The following UHRF2 variants were observed in gnomAD, a reference collection of about 807,000 sequenced individuals.
UHRF2 encodes the protein E3 ubiquitin-protein ligase UHRF2.
UHRF2 carries 23 observed loss-of-function variants against 96.8 expected under a neutral mutation model. That is an observed-to-expected ratio of 0.24 (90% CI 0.17 to 0.34). The LOEUF is 0.34. Among genes scored for constraint, UHRF2 ranks in the 10% least tolerant of loss-of-function variants. UHRF2 has a pLI of 1.00. For missense variants in UHRF2, 685 were observed against 981.5 expected (o/e 0.70, Z 4.04); for synonymous variants, 385 against 332.6 (o/e 1.16, Z -1.72).
chr9:6,434,225 C>T, intron 3 of UHRF2, 52 bp downstream of exon 3: 1 of 1,533,594 alleles, frequency 6.5e-7, no homozygotes, highest in Non-Finnish European at 8.8e-7. Context: ...TTGTAGAAAC[C>T]AAAGCCTTCT....
intron 1 of UHRF2, among the ~76,000 whole-genome samples, chr9:6,420,055 G>A (rs908598609): frequency 1.7e-4 from 26 of 150,592 alleles, no homozygotes; most frequent in Admixed American, 1.2e-3. Context: ...AGCCTCCCCC[G>A]CCACCTTTTT....
chr9:6,471,579 C>G (rs946750631), intron 4 of UHRF2, among the ~76,000 whole-genome samples: 5 of 152,162 alleles, frequency 3.3e-5, no homozygotes, highest in African/African-American at 1.2e-4. Flanking sequence ...TGTGATGAGG[C>G]TATCCAGGCA....
chr9:6,434,863 C>T (rs887084666), intron 3 of UHRF2, among the ~76,000 whole-genome samples: 1 of 152,056 alleles, frequency 6.6e-6, no homozygotes, highest in African/African-American at 2.4e-5. Context: ...CCGGGTCCCA[C>T]TTTGTTGCAC....
At chr9:6,419,966 C>G (rs193026557) in intron 1 of UHRF2, among the ~76,000 whole-genome samples, 1 of 152,000 alleles carries the variant, frequency 6.6e-6, no homozygotes, top group Non-Finnish European at 1.5e-5. Flanking sequence ...CCATACTGGT[C>G]TGGAGCTCCT....
At chr9:6,424,965 A>T (rs564485989) in intron 2 of UHRF2, among the ~76,000 whole-genome samples, 1 of 152,262 alleles carries the variant, frequency 6.6e-6, no homozygotes, top group East Asian at 1.9e-4. Flanking sequence ...TTTGCTAAGT[A>T]TAACTTAGGT....
intron 3 of UHRF2, among the ~76,000 whole-genome samples, chr9:6,442,131 GT>G (rs939240783): frequency 1.8e-4 from 27 of 152,190 alleles, no homozygotes; most frequent in Non-Finnish European, 3.7e-4. Context: ...CGTCTGGCTA[GT>G]TTTGGTGTTT....
chr9:6,468,672 C>G (rs1381323908), intron 4 of UHRF2: 2 of 456,058 alleles, frequency 4.4e-6, no homozygotes, highest in Admixed American at 4.7e-5. Context: ...TGGTTGAATA[C>G]TGGACTTCTG....
At chr9:6,439,763 G>A (rs918776612) in intron 3 of UHRF2, among the ~76,000 whole-genome samples, 11 of 152,144 alleles carry the variant, frequency 7.2e-5, no homozygotes, top group Admixed American at 6.5e-4. Flanking sequence ...CACTCCTTTA[G>A]TGGGCACATA....
At chr9:6,500,219 C>A (rs1381404497) in intron 13 of UHRF2, among the ~76,000 whole-genome samples, 1 of 152,196 alleles carries the variant, frequency 6.6e-6, no homozygotes, top group Non-Finnish European at 1.5e-5. Context: ...CCTCCTGCCT[C>A]AGCCTCCTAA....
intron 3 of UHRF2, among the ~76,000 whole-genome samples, chr9:6,442,857 C>G (rs887871830): frequency 2.0e-5 from 3 of 152,180 alleles, no homozygotes; most frequent in Admixed American, 6.5e-5. Flanking sequence ...ACACTACCAC[C>G]TGTTCTCTTT....
chr9:6,420,767 G>C (rs1819887666), intron 1 of UHRF2, 145 bp from the exon 2 acceptor site: 1 of 628,908 alleles, frequency 1.6e-6, no homozygotes, highest in Admixed American at 2.8e-5. Flanking sequence ...ACTGACATCA[G>C]AGGCCATTAA....
Position 6,422,573 on chromosome 9 carries a change from T to A in UHRF2, c.384+1431T>A, listed in dbSNP as rs1399546120. On this transcript the variant is annotated intron_variant, in intron 2 of 15. Coordinates refer to ENST00000276893, the MANE Select transcript of UHRF2 (RefSeq NM_152896.3). The stretch of plus-strand genomic sequence containing the variant: ...ATCTTTACAATGTTGAGTCTTTTAA[T>A]TCATGAACATTAAAAGACTTGACTT... The A allele has an allele frequency of 1.7e-5, 9 of 522,702 alleles. No individual in the cohort carries two copies. The African/African-American group carries it at 1.8e-4, about 10-fold the overall frequency. The allele number at this position is 522,702 out of a possible 1,614,324, so 32.4% of individuals were successfully genotyped here.
intron 3 of UHRF2, among the ~76,000 whole-genome samples, chr9:6,460,329 C>G (rs1034817708): frequency 2.0e-5 from 3 of 152,112 alleles, no homozygotes; most frequent in African/African-American, 7.2e-5. Context: ...TGAAGAGATC[C>G]ACATCTCCAA....
intron 2 of UHRF2, 59 bp downstream of exon 2, chr9:6,421,201 C>A: frequency 7.6e-7 from 1 of 1,315,576 alleles, no homozygotes; most frequent in Non-Finnish European, 1.0e-6. Flanking sequence ...ATTTTCTGTT[C>A]AGGATGTTTT....
chr9:6,501,586 A>C (rs1411012905), intron 14 of UHRF2, among the ~76,000 whole-genome samples: 2 of 152,216 alleles, frequency 1.3e-5, no homozygotes, highest in Non-Finnish European at 2.9e-5. Context: ...TTTATCAAAT[A>C]TTTGGATTTA....
intron 2 of UHRF2, among the ~76,000 whole-genome samples, chr9:6,424,697 G>A (rs1234587792): frequency 1.3e-5 from 2 of 149,616 alleles, no homozygotes; most frequent in Middle Eastern, 6.5e-3. Context: ...TCCTCTTTTT[G>A]TTCCAGAATC....
At chr9:6,421,632 G>C (rs1006223223) in intron 2 of UHRF2, among the ~76,000 whole-genome samples, 1 of 152,116 alleles carries the variant, frequency 6.6e-6, no homozygotes, top group African/African-American at 2.4e-5. Context: ...GGCCAGGCTA[G>C]TCTCGAACTC....
intron 2 of UHRF2, among the ~76,000 whole-genome samples, chr9:6,431,317 CT>C (rs958115232): frequency 2.6e-5 from 4 of 151,774 alleles, no homozygotes; most frequent in Non-Finnish European, 5.9e-5. Context: ...TAGGATAATC[CT>C]TTTTTTTGGC....
intron 4 of UHRF2, among the ~76,000 whole-genome samples, chr9:6,471,635 C>T (rs897665711): frequency 6.6e-6 from 1 of 152,134 alleles, no homozygotes; most frequent in African/African-American, 2.4e-5. Context: ...AGACTGCACC[C>T]CTGACCAATG....
Sources: gnomAD v4.1 joint callset for allele counts (sites outside exome capture counted in the v4.1 genomes callset) on GRCh38, gnomAD v4.1.1 for gene constraint, MANE v1.5 for transcripts, NCBI Gene and HGNC (gene_info 2026-07-23, HGNC 2026-07-21) for gene names.